PARP4: variants seen among roughly 807,000 people sequenced by gnomAD.
PARP4 encodes the protein protein mono-ADP-ribosyltransferase PARP4.
In PARP4, 120 loss-of-function variants were observed where a neutral mutation model predicts 187.7. The ratio of observed to expected loss-of-function variants is 0.64; its 90% confidence interval spans 0.55 to 0.74. The LOEUF (loss-of-function observed/expected upper bound fraction) is 0.74. Among genes scored for constraint, PARP4 ranks in the 30% least tolerant of loss-of-function variants. The probability of loss-of-function intolerance (pLI) is 0.00; values close to 1 mark genes in which losing one functional copy is unlikely to be tolerated. For missense variants in PARP4, 1,836 were observed against 2,070.5 expected, an observed-to-expected ratio of 0.89 and a Z score of 2.20; for synonymous variants, 654 against 740.9, an observed-to-expected ratio of 0.88 and a Z score of 1.90.
At chr13:24,456,565 T>A in intron 20 of PARP4, 87 bp from the exon 21 acceptor site, 1 of 1,193,440 alleles carries the variant, frequency 8.4e-7, no homozygotes, top group Non-Finnish European at 1.2e-6. Flanking sequence ...GAGCAAACCC[T>A]TGCATAGCTT....
chr13:24,489,903 C>G (rs975614089), intron 10 of PARP4, among the ~76,000 whole-genome samples: 1 of 152,192 alleles, frequency 6.6e-6, no homozygotes. Context: ...CATGGTTTAA[C>G]AACCAGCTCA....
At chr13:24,496,597 T>C (rs9581077) in intron 6 of PARP4, among the ~76,000 whole-genome samples, 2,126 of 152,220 alleles carry the variant, frequency 0.014, 57 homozygotes, top group African/African-American at 0.047. Context: ...GGATCTCACA[T>C]CCACCTGACG....
At chr13:24,465,548 C>T (rs573231187) in intron 17 of PARP4, among the ~76,000 whole-genome samples, 5 of 152,170 alleles carry the variant, frequency 3.3e-5, no homozygotes, top group Admixed American at 3.3e-4. Flanking sequence ...GATGTTCTTA[C>T]TTACACGTGG....
At chr13:24,472,077 A>G (rs2137502669) in intron 15 of PARP4, among the ~76,000 whole-genome samples, 2 of 152,314 alleles carry the variant, frequency 1.3e-5, no homozygotes, top group South Asian at 4.1e-4. Context: ...TGGACGCTGG[A>G]ATCAGAATGA....
At chr13:24,490,849 C>T (rs1868602508) in intron 9 of PARP4, 21 bp from the exon 10 acceptor site, 8 of 1,595,920 alleles carry the variant, frequency 5.0e-6, no homozygotes, top group Non-Finnish European at 6.9e-6. Context: ...AAATAATACA[C>T]AGATGTCAGA....
intron 15 of PARP4, among the ~76,000 whole-genome samples, chr13:24,473,513 G>C (rs1371691223): frequency 1.3e-5 from 2 of 151,600 alleles, no homozygotes; most frequent in Non-Finnish European, 2.9e-5. Flanking sequence ...ACATAGAGAA[G>C]GGTATAGAGA....
intron 6 of PARP4, among the ~76,000 whole-genome samples, chr13:24,496,914 T>A (rs1251959973): frequency 2.0e-5 from 3 of 151,966 alleles, no homozygotes; most frequent in African/African-American, 7.3e-5. Flanking sequence ...TCCCAGCTAC[T>A]CAGGAGGCTG....
At chr13:24,426,764 C>T (rs538516040) in intron 32 of PARP4, among the ~76,000 whole-genome samples, 166 bp from the exon 33 acceptor site, 145 of 151,556 alleles carry the variant, frequency 9.6e-4, no homozygotes, top group African/African-American at 2.9e-3. Context: ...GGGTGGCAGG[C>T]ACCTGTAGTC....
At chr13:24,457,770 C>CAAAAAAAAAAAAAAAAAAAAAAAAAAGA (rs1871953577) in intron 20 of PARP4, among the ~76,000 whole-genome samples, 1 of 85,666 alleles carries the variant, frequency 1.2e-5, no homozygotes, top group Non-Finnish European at 2.2e-5. Context: ...GACTCTGTCT[C>CAAAAAAAAAAAAAAAAAAAAAAAAAAGA]AAAAAAAAAA....
intron 28 of PARP4, 111 bp downstream of exon 28, chr13:24,443,539 A>G: frequency 1.6e-6 from 1 of 630,318 alleles, no homozygotes; most frequent in Non-Finnish European, 2.8e-6. Context: ...ATGCCCTGAC[A>G]CCAGTCTCCT....
In PARP4 at chr13:24,459,141, A is replaced by C; in HGVS notation, c.2346-19T>G. 1 of 1,591,152 alleles carries C rather than the reference A, an allele frequency of 6.3e-7. No homozygotes were observed. Among genetic ancestry groups the C allele is most frequent in the Non-Finnish European group, 8.6e-7 (1 of 1,164,194 alleles). The stretch of plus-strand genomic sequence containing the variant: ...AGAGAAGCTAGCAAAAATGAAGAGA[A>C]AGTTGTCTTAGTCTACGATCTTAAA... On this transcript the variant is annotated intron_variant, in intron 19 of 33. Coordinates refer to ENST00000381989, the MANE Select transcript of PARP4 (RefSeq NM_006437.4).
In PARP4 at chr13:24,421,006, T is replaced by C; in HGVS notation, c.*113A>G. The C allele has an allele frequency of 1.5e-6, 2 of 1,338,218 alleles. No homozygotes were observed. Among genetic ancestry groups the C allele is most frequent in the Non-Finnish European group, 2.0e-6 (2 of 1,019,238 alleles). 82.9% of individuals were successfully genotyped at this position (1,338,218 alleles called of 1,614,324 possible). On this transcript the variant is annotated 3_prime_UTR_variant, in exon 34 of 34. Transcript: ENST00000381989. ...TCTTCCACTTAATTTTTAAAGACAG[T>C]AATTGCTACACTGAATGAAACCTTA...
intron 1 of PARP4, among the ~76,000 whole-genome samples, chr13:24,509,503 CAA>C (rs753520993): frequency 2.5e-4 from 27 of 107,364 alleles, no homozygotes; most frequent in Admixed American, 2.9e-4. Flanking sequence ...GACCCTATCT[CAA>C]AAAAAAAAAA....
rs1291535673 is a variant in PARP4 at position 24,443,521 on chromosome 13, A to G, written c.3447+129T>C. 1.2e-5 allele frequency: 8 copies of G among 668,724 alleles called. No homozygotes were observed. The Admixed American group carries it at 1.5e-4, about 13-fold the overall frequency. 41.4% of individuals were successfully genotyped at this position (668,724 alleles called of 1,614,324 possible). ...ATCCCAGGCACAGTGTCACAGATAC[A>G]GTGATGAATGCCCTGACACCAGTCT... On this transcript the variant is annotated intron_variant, in intron 28 of 33. Transcript: ENST00000381989.
intron 33 of PARP4, among the ~76,000 whole-genome samples, chr13:24,421,620 C>G (rs1288468770): frequency 6.6e-6 from 1 of 151,816 alleles, no homozygotes; most frequent in Non-Finnish European, 1.5e-5. Flanking sequence ...CCCCTTTCCA[C>G]GCTTCTCAGT....
In PARP4 at chr13:24,431,403, A is replaced by C; in HGVS notation, c.4820T>G (p.Leu1607Arg). The change falls in exon 32 of 34, where the codon CTT (leucine) becomes CGT (arginine). Residue 1607 changes from leucine to arginine, a missense_variant. By Grantham distance (102) the Leu-to-Arg change is moderately radical. Transcript: ENST00000381989. ...NLNTNGLHSF[L>R]KQKGIQSLGV... The stretch of plus-strand genomic sequence containing the variant: ...TAGAGATTGAATGCCTTTTTGTTTA[A>C]GAAAGCTGTGCAAACCATTTGTATT... 6.3e-7 allele frequency: 1 copy of C among 1,596,888 alleles called. No homozygotes were observed. Among genetic ancestry groups the C allele is most frequent in the Non-Finnish European group, 8.5e-7 (1 of 1,173,780 alleles).
chr13:24,503,296 G>T lies in PARP4; in HGVS notation c.132+349C>A, dbSNP rs151308308. Among the ~76,000 whole-genome samples the T allele has an allele frequency of 3.3e-3, 496 of 152,338 alleles. 3 individuals are homozygous for T. Among genetic ancestry groups the T allele is most frequent in the African/African-American group, 0.012 (479 of 41,582 alleles). ...CAGCGTTGACATACTGGTGAGTGAC[G>T]ACAGTGCGCTTTTTGCAAATCCTGT... is the stretch of plus-strand genomic sequence containing the variant. On this transcript the variant is annotated intron_variant, in intron 2 of 33. Coordinates refer to ENST00000381989, the MANE Select transcript of PARP4 (RefSeq NM_006437.4).
intron 8 of PARP4, among the ~76,000 whole-genome samples, 178 bp from the exon 9 acceptor site, chr13:24,492,772 G>A (rs1195594971): frequency 6.6e-6 from 1 of 152,218 alleles, no homozygotes; most frequent in African/African-American, 2.4e-5. Flanking sequence ...TGGCAAAGAT[G>A]CCATGAGGAT....
At chr13:24,456,905 C>T (rs1871887705) in intron 20 of PARP4, among the ~76,000 whole-genome samples, 1 of 151,646 alleles carries the variant, frequency 6.6e-6, no homozygotes, top group Admixed American at 6.6e-5. Context: ...TGTCTCAAAA[C>T]AAAAACAAAA....
Sources: allele counts gnomAD v4.1 joint callset (sites outside exome capture counted in the v4.1 genomes callset), GRCh38; gene constraint gnomAD v4.1.1; transcripts MANE v1.5; gene names NCBI Gene and HGNC (gene_info 2026-07-23, HGNC 2026-07-21).